WWTR1: variants seen among roughly 807,000 people sequenced by gnomAD.
WWTR1 encodes WW domain-containing transcription regulator protein 1.
Under a neutral mutation model 40.1 loss-of-function variants are expected in WWTR1, and 13 were observed. That is an observed-to-expected ratio of 0.32 (90% CI 0.21 to 0.52). The LOEUF (loss-of-function observed/expected upper bound fraction) is 0.52. Ranked by LOEUF, WWTR1 falls within the 20% of genes least tolerant of loss-of-function variation. The pLI is 0.97. For synonymous variants in WWTR1, 230 were observed against 210.1 expected (o/e 1.09, Z -0.82); for missense variants, 436 against 523.1 (o/e 0.83, Z 1.63).
At chr3:149,659,099 A>G (rs1038932663), upstream of WWTR1, among the ~76,000 whole-genome samples, 3 of 152,092 alleles carry the variant, frequency 2.0e-5, no homozygotes, top group African/African-American at 7.2e-5. Context: ...GAGCAGCTCA[A>G]TTTCTTTTCT....
intron 5 of WWTR1, among the ~76,000 whole-genome samples, chr3:149,713,828 C>T (rs1484261950): frequency 2.0e-5 from 3 of 152,234 alleles, no homozygotes. Flanking sequence ...CTGTGGCACG[C>T]ATCCCTGAGG....
intron 1 of WWTR1, among the ~76,000 whole-genome samples, chr3:149,678,663 C>T (rs1370355019): frequency 2.6e-5 from 4 of 152,122 alleles, no homozygotes; most frequent in South Asian, 2.1e-4. Flanking sequence ...CAGTGACACA[C>T]AAGTTTGGAA....
chr3:149,696,227 T>C (rs1228353263), intron 1 of WWTR1, among the ~76,000 whole-genome samples: 1 of 151,860 alleles, frequency 6.6e-6, no homozygotes, highest in African/African-American at 2.4e-5. Context: ...GCCGAATTTA[T>C]CACCTTCCTC....
At chr3:149,554,185 G>A (rs1292215582) in intron 3 of WWTR1, among the ~76,000 whole-genome samples, 1 of 152,146 alleles carries the variant, frequency 6.6e-6, no homozygotes, top group Non-Finnish European at 1.5e-5. Flanking sequence ...GAGAATAACT[G>A]CAAGGAAATT....
chr3:149,723,349 T>C (rs1715803960), intron 4 of WWTR1, among the ~76,000 whole-genome samples: 1 of 151,718 alleles, frequency 6.6e-6, no homozygotes, highest in African/African-American at 2.4e-5. Context: ...CCACCACACC[T>C]GAATAATTTT....
Position 149,675,412 on chromosome 3 carries a change from A to G in WWTR1, c.-107-5521T>C, listed in dbSNP as rs77427010. ...GGTGATGCCTAGATCTCTGGCAGCC[A>G]TTTTGTAACCAAGAGGGCAGCTGGC... On this transcript the variant is annotated intron_variant, in intron 1 of 7. Transcript: ENST00000465804. 4.6e-3 allele frequency among the ~76,000 whole-genome samples: 700 copies of G among 152,304 alleles called. 9 individuals carry two copies. The highest frequency in any genetic ancestry group is 0.041 in the South Asian group (196 of 4,818).
At chr3:149,705,998 C>T (rs1372283931), upstream of WWTR1, among the ~76,000 whole-genome samples, 2 of 152,082 alleles carry the variant, frequency 1.3e-5, no homozygotes, top group Non-Finnish European at 2.9e-5. Context: ...TTGAGACCAG[C>T]CTGGGCAATA....
chr3:149,698,843 G>A (rs1429953748), intron 1 of WWTR1, among the ~76,000 whole-genome samples: 2 of 152,224 alleles, frequency 1.3e-5, no homozygotes, highest in Non-Finnish European at 1.5e-5. Context: ...AGCCAGAACA[G>A]CCAGGATGTG....
At chr3:149,665,903 G>A (rs1713795669) in intron 2 of WWTR1, among the ~76,000 whole-genome samples, 1 of 152,178 alleles carries the variant, frequency 6.6e-6, no homozygotes, top group Non-Finnish European at 1.5e-5. Context: ...TGGGTGTGAT[G>A]AGAGAACTAA....
intron 3 of WWTR1, among the ~76,000 whole-genome samples, chr3:149,542,796 T>C (rs1032088699): frequency 6.6e-6 from 1 of 152,156 alleles, no homozygotes; most frequent in African/African-American, 2.4e-5. Context: ...CTGTCTAGAG[T>C]ACATTTTAAG....
chr3:149,721,675 G>T (rs2108238556), intron 4 of WWTR1, among the ~76,000 whole-genome samples: 1 of 152,224 alleles, frequency 6.6e-6, no homozygotes, highest in South Asian at 2.1e-4. Flanking sequence ...GAGAAGGATT[G>T]GTGTTAGTTC....
chr3:149,680,015 G>C (rs1270878914), intron 1 of WWTR1, among the ~76,000 whole-genome samples: 2 of 152,174 alleles, frequency 1.3e-5, no homozygotes, highest in Non-Finnish European at 2.9e-5. Flanking sequence ...ATGTGGGAAA[G>C]TTACTTAACA....
chr3:149,624,875 ATTTAT>A (rs1740472367), intron 2 of WWTR1, among the ~76,000 whole-genome samples: 1 of 150,320 alleles, frequency 6.7e-6, no homozygotes, highest in Non-Finnish European at 1.5e-5. Context: ...AATTCATTTT[ATTTAT>A]TTTATTTTAT....
chr3:149,645,228 C>T (rs776582513), intron 2 of WWTR1, among the ~76,000 whole-genome samples: 13 of 152,104 alleles, frequency 8.5e-5, no homozygotes, highest in South Asian at 2.1e-4. Flanking sequence ...TACAGGTGCC[C>T]GCCACCACGC....
rs147678936 is a variant in WWTR1, at chr3:149,585,666, A to G, written c.432-12666T>C. On this transcript the variant is annotated intron_variant, in intron 2 of 6. Coordinates refer to ENST00000360632, the MANE Select transcript of WWTR1 (RefSeq NM_015472.6). ...TGTTGGTAATGAGTGCCTTGGTGGT[A>G]ATGAGCATCTCATGTCAGCACAAGA... 1.6e-3 allele frequency among the ~76,000 whole-genome samples: 248 copies of G among 152,284 alleles called. 4 individuals are homozygous for G. Among genetic ancestry groups the G allele is most frequent in the African/African-American group, 5.4e-3 (225 of 41,562 alleles).
intron 2 of WWTR1, among the ~76,000 whole-genome samples, chr3:149,644,995 G>A (rs1712404135): frequency 6.6e-6 from 1 of 152,064 alleles, no homozygotes; most frequent in African/African-American, 2.4e-5. Context: ...TGGGATTACA[G>A]GTACACGCCA....
rs775649872 is a variant in WWTR1 at position 149,617,439 on chromosome 3, CG to C, written c.431+39436del. Among the ~76,000 whole-genome samples, 345 of 152,252 alleles carry C rather than the reference CG, an allele frequency of 2.3e-3. 1 individual carries two copies. Among genetic ancestry groups the C allele is most frequent in the Non-Finnish European group, 3.2e-3 (219 of 68,018 alleles). Reference sequence around the variant, plus strand: ...ACCACTAGAGGCTTATGGCTTTCCACGGATTAGCCACTTTTCATTATTTCTA... The same window carrying C: ...ACCACTAGAGGCTTATGGCTTTCCACGATTAGCCACTTTTCATTATTTCTA... On this transcript the variant is annotated intron_variant, in intron 2 of 6. Transcript: ENST00000360632.
chr3:149,524,820 A>T (rs1474061323), intron 6 of WWTR1, among the ~76,000 whole-genome samples: 2 of 152,234 alleles, frequency 1.3e-5, no homozygotes, highest in African/African-American at 4.8e-5. Context: ...GCACTATGGC[A>T]AACACTTTGG....
intron 1 of WWTR1, among the ~76,000 whole-genome samples, chr3:149,694,969 C>T (rs1429000042): frequency 1.3e-5 from 2 of 152,154 alleles, no homozygotes. Context: ...CAATAGAGTA[C>T]TGTTCAGCCA....
Sources: allele counts gnomAD v4.1 joint callset (sites outside exome capture counted in the v4.1 genomes callset), GRCh38; gene constraint gnomAD v4.1.1; transcripts MANE v1.5; gene names NCBI Gene and HGNC (gene_info 2026-07-23, HGNC 2026-07-21).